The following CSMD1 variants were observed in gnomAD, a reference collection of about 807,000 sequenced individuals.
CSMD1 encodes CUB and sushi domain-containing protein 1.
A neutral mutation model predicts 417.5 loss-of-function variants in CSMD1; 213 were observed. The ratio of observed to expected loss-of-function variants is 0.51; its 90% CI spans 0.46 to 0.57. CSMD1 has a LOEUF of 0.57. Among genes scored for constraint, CSMD1 ranks in the 20% least tolerant of loss-of-function variants. CSMD1 has a pLI of 0.00. For missense variants in CSMD1, 6,923 were observed against 4,529.7 expected (o/e 1.53, Z -15.17); for synonymous variants, 2,862 against 1,736.8 (o/e 1.65, Z -16.11).
intron 3 of CSMD1, among the ~76,000 whole-genome samples, chr8:4,208,853 T>C (rs989747283): frequency 6.6e-6 from 1 of 152,170 alleles, no homozygotes; most frequent in Non-Finnish European, 1.5e-5. Flanking sequence ...GAGGTAGCAA[T>C]AAGTATCCAT....
intron 10 of CSMD1, among the ~76,000 whole-genome samples, chr8:3,547,934 C>T (rs973194207): frequency 1.1e-4 from 17 of 152,044 alleles, no homozygotes; most frequent in African/African-American, 4.1e-4. Flanking sequence ...ATCCTGATGT[C>T]ATAAAGTAGA....
At chr8:4,970,365 T>C (rs1259885222) in intron 1 of CSMD1, among the ~76,000 whole-genome samples, 1 of 152,200 alleles carries the variant, frequency 6.6e-6, no homozygotes, top group Middle Eastern at 3.4e-3. Flanking sequence ...GATTCAAAAA[T>C]GGTATCAGCT....
intron 7 of CSMD1, among the ~76,000 whole-genome samples, chr8:3,650,003 G>C (rs761741611): frequency 6.6e-6 from 1 of 152,168 alleles, no homozygotes; most frequent in Non-Finnish European, 1.5e-5. Context: ...ATGAGGCTGG[G>C]CCTGGTGGCT....
intron 7 of CSMD1, among the ~76,000 whole-genome samples, chr8:3,681,019 G>A (rs926940724): frequency 6.6e-6 from 1 of 152,118 alleles, no homozygotes; most frequent in African/African-American, 2.4e-5. Flanking sequence ...CAATAAATTA[G>A]GTATTGATGG....
intron 1 of CSMD1, among the ~76,000 whole-genome samples, chr8:4,895,255 T>C (rs758235689): frequency 6.6e-5 from 10 of 152,260 alleles, no homozygotes; most frequent in Middle Eastern, 3.4e-3. Context: ...AGATGAACAA[T>C]TTCTGACTCA....
intron 3 of CSMD1, among the ~76,000 whole-genome samples, chr8:4,151,333 T>C (rs1359619112): frequency 1.3e-5 from 2 of 152,218 alleles, no homozygotes; most frequent in Non-Finnish European, 2.9e-5. Flanking sequence ...CTTCAAGAGA[T>C]AAATCACTTA....
In CSMD1 at chr8:3,817,292, T is replaced by TTTTTTA. The variant is rs1801439573; in HGVS notation, c.819-63251_819-63250insTAAAAA. ...TTTTTTTTTTTTTTTTTTTTTTTTT[T>TTTTTTA]TTTTTTGAGATGGAGTCTCGCTGTG... On this transcript the variant is annotated intron_variant, in intron 5 of 69. Coordinates refer to ENST00000635120, the MANE Select transcript of CSMD1 (RefSeq NM_033225.6). Among the ~76,000 whole-genome samples the TTTTTTA allele has an allele frequency of 4.3e-5, 4 of 93,548 alleles. 1 individual carries two copies. The highest frequency in any genetic ancestry group is 2.1e-4 in the African/African-American group (4 of 18,656). The allele number at this position is 93,548 out of a possible 152,430, so 61.4% of individuals were successfully genotyped here. A position where few individuals can be genotyped will look rare whatever the true frequency, so the allele number is the denominator to read the frequency against.
At chr8:4,131,756 CTTTTT>C (rs10650865) in intron 3 of CSMD1, among the ~76,000 whole-genome samples, 5 of 87,434 alleles carry the variant, frequency 5.7e-5, no homozygotes, top group African/African-American at 9.1e-5. Flanking sequence ...ACAAATGTGA[CTTTTT>C]TTTTTTTTTT....
At chr8:3,739,380 A>G (rs1293185784) in intron 6 of CSMD1, among the ~76,000 whole-genome samples, 1 of 152,256 alleles carries the variant, frequency 6.6e-6, no homozygotes, top group Non-Finnish European at 1.5e-5. Flanking sequence ...TTACACGTTT[A>G]CAAATAGTTA....
intron 1 of CSMD1, among the ~76,000 whole-genome samples, chr8:4,639,960 T>C (rs1461296168): frequency 6.6e-6 from 1 of 152,050 alleles, no homozygotes; most frequent in Admixed American, 6.6e-5. Context: ...TTAAAGAAAA[T>C]AGCTTGTCTG....
chr8:3,160,988 T>C (rs1819856005), intron 38 of CSMD1, among the ~76,000 whole-genome samples: 1 of 152,226 alleles, frequency 6.6e-6, no homozygotes, highest in South Asian at 2.1e-4. Flanking sequence ...CAACTCTGCA[T>C]ATAAGAACAT....
intron 47 of CSMD1, among the ~76,000 whole-genome samples, chr8:3,094,367 A>T (rs1815156325): frequency 1.3e-5 from 2 of 152,126 alleles, no homozygotes; most frequent in African/African-American, 4.8e-5. Context: ...GGTCTCCTAA[A>T]GTGCTGGGAT....
At chr8:4,587,633 T>C (rs912968646) in intron 2 of CSMD1, among the ~76,000 whole-genome samples, 2 of 152,156 alleles carry the variant, frequency 1.3e-5, no homozygotes, top group African/African-American at 4.8e-5. Context: ...AGACTCATGA[T>C]CACGATCTCA....
At chr8:4,857,850 T>G (rs1316454145) in intron 1 of CSMD1, among the ~76,000 whole-genome samples, 1 of 151,894 alleles carries the variant, frequency 6.6e-6, no homozygotes, top group Non-Finnish European at 1.5e-5. Context: ...GAGGAACTGG[T>G]ACCATTCCTT....
chr8:4,084,558 G>A (rs891471330), intron 3 of CSMD1, among the ~76,000 whole-genome samples: 3 of 152,076 alleles, frequency 2.0e-5, no homozygotes, highest in African/African-American at 7.2e-5. Flanking sequence ...TTGGTAGGAT[G>A]TTAGGAACTC....
intron 3 of CSMD1, among the ~76,000 whole-genome samples, chr8:4,235,731 G>C (rs891852940): frequency 1.3e-5 from 2 of 152,160 alleles, no homozygotes; most frequent in African/African-American, 4.8e-5. Context: ...GTTCTCACAT[G>C]CAAGTGTAAT....
intron 3 of CSMD1, among the ~76,000 whole-genome samples, chr8:4,043,001 T>G (rs935554197): frequency 2.0e-5 from 3 of 151,466 alleles, no homozygotes; most frequent in African/African-American, 4.9e-5. Context: ...GTGTGGTGAC[T>G]TGCACCTGTA....
At chr8:4,314,636 G>A (rs939468557) in intron 3 of CSMD1, among the ~76,000 whole-genome samples, 1 of 151,778 alleles carries the variant, frequency 6.6e-6, no homozygotes, top group South Asian at 2.1e-4. Flanking sequence ...CAAAAGCAAT[G>A]TAATGTACTA....
chr8:3,213,847 TATAC>T (rs1398592339), intron 30 of CSMD1, among the ~76,000 whole-genome samples: 1 of 136,954 alleles, frequency 7.3e-6, no homozygotes, highest in Non-Finnish European at 1.5e-5. Flanking sequence ...TGTGTGTGTA[TATAC>T]ATACACATAT....
Sources: gnomAD v4.1 joint callset for allele counts (sites outside exome capture counted in the v4.1 genomes callset) on GRCh38, gnomAD v4.1.1 for gene constraint, MANE v1.5 for transcripts, NCBI Gene and HGNC (gene_info 2026-07-23, HGNC 2026-07-21) for gene names.